The following WDPCP variants were observed in gnomAD, a reference collection of about 807,000 sequenced individuals.
WDPCP encodes WD repeat containing planar cell polarity effector, also known as WD repeat-containing and planar cell polarity effector protein fritz homolog.
A neutral mutation model predicts 93.1 loss-of-function variants in WDPCP; 71 were observed. The observed-to-expected ratio is 0.76, with a 90% CI of 0.63 to 0.93. The LOEUF (loss-of-function observed/expected upper bound fraction) is 0.93. Among genes scored for constraint, WDPCP ranks in the 40% least tolerant of loss-of-function variants. The probability of loss-of-function intolerance (pLI) is 0.00; values close to 1 mark genes in which losing one functional copy is unlikely to be tolerated. For synonymous variants in WDPCP, 315 were observed against 315.0 expected (o/e 1.00, Z 0.00); for missense variants, 844 against 887.4 (o/e 0.95, Z 0.62).
At chr2:63,800,632 T>C (rs892770811) in intron 2 of WDPCP, among the ~76,000 whole-genome samples, 5 of 152,200 alleles carry the variant, frequency 3.3e-5, no homozygotes, top group African/African-American at 1.2e-4. Context: ...AGTACTAATT[T>C]GGCATTTTTT....
intron 13 of WDPCP, among the ~76,000 whole-genome samples, chr2:63,312,780 T>C (rs1457828636): frequency 6.6e-6 from 1 of 152,146 alleles, no homozygotes; most frequent in African/African-American, 2.4e-5. Flanking sequence ...CACTTTGTAC[T>C]ATGGTTACTT....
chr2:63,745,646 AC>A (rs1669783765), intron 2 of WDPCP, among the ~76,000 whole-genome samples: 2 of 8,660 alleles, frequency 2.3e-4, no homozygotes, highest in South Asian at 4.5e-3. Flanking sequence ...ACGCACTTAC[AC>A]ACACACACAC....
Position 63,670,096 on chromosome 2 carries a change from T to C in WDPCP, n.309-19258A>G, listed in dbSNP as rs181489662. Among the ~76,000 whole-genome samples the C allele has an allele frequency of 1.8e-3, 271 of 152,350 alleles. 1 individual carries two copies. Among genetic ancestry groups the C allele is most frequent in the African/African-American group, 6.0e-3 (251 of 41,574 alleles). On this transcript the variant is annotated intron_variant and non_coding_transcript_variant, in intron 2 of 4. Transcript: ENST00000467687. ...ACAAATAAGCTTACCATTTCTCTGA[T>C]ATCTCAGCCACAGAGAGCACAATCT... is the stretch of plus-strand genomic sequence containing the variant.
intron 14 of WDPCP, among the ~76,000 whole-genome samples, chr2:63,207,673 G>A (rs1676446124): frequency 6.6e-6 from 1 of 152,162 alleles, no homozygotes; most frequent in Non-Finnish European, 1.5e-5. Flanking sequence ...TCATCTGAAT[G>A]CTCAGAGGAT....
At chr2:63,544,736 T>G (rs1705008442) in intron 1 of WDPCP, among the ~76,000 whole-genome samples, 1 of 152,170 alleles carries the variant, frequency 6.6e-6, no homozygotes, top group African/African-American at 2.4e-5. Flanking sequence ...TAAGGAAAGG[T>G]ATGCTACTAT....
At chr2:63,832,895 T>C in the WDPCP span, among the ~76,000 whole-genome samples, 2 of 152,224 alleles carry the variant, frequency 1.3e-5, no homozygotes, top group African/African-American at 4.8e-5. Context: ...TCGTATGATA[T>C]GGCAATACAG....
At chr2:63,235,427 G>T (rs1455252352) in intron 14 of WDPCP, among the ~76,000 whole-genome samples, 1 of 152,100 alleles carries the variant, frequency 6.6e-6, no homozygotes, top group Non-Finnish European at 1.5e-5. Context: ...GTACAAAGAA[G>T]AACTTGTACC....
intron 1 of WDPCP, among the ~76,000 whole-genome samples, chr2:63,506,501 T>C (rs1045894178): frequency 2.6e-5 from 4 of 151,138 alleles, no homozygotes; most frequent in African/African-American, 4.9e-5. Context: ...CATAAAAATT[T>C]TGGAGGGTAA....
chr2:63,634,451 A>C (rs1709901018), intron 3 of WDPCP, among the ~76,000 whole-genome samples: 1 of 152,226 alleles, frequency 6.6e-6, no homozygotes, highest in African/African-American at 2.4e-5. Flanking sequence ...CATTTTCAAA[A>C]TGGACAGTCA....
intron 13 of WDPCP, among the ~76,000 whole-genome samples, chr2:63,300,345 T>C (rs968618071): frequency 1.3e-5 from 2 of 152,172 alleles, no homozygotes; most frequent in African/African-American, 4.8e-5. Flanking sequence ...ACAACATTCA[T>C]CAAAATGGTG....
At chr2:63,287,285 C>T (rs956863152) in intron 13 of WDPCP, among the ~76,000 whole-genome samples, 2 of 152,026 alleles carry the variant, frequency 1.3e-5, no homozygotes, top group African/African-American at 4.8e-5. Flanking sequence ...GTCCATGACA[C>T]CATCCATTCT....
In WDPCP at chr2:63,223,459, G is replaced by A. The variant is rs371542881; in HGVS notation, c.1915+35848C>T. Among the ~76,000 whole-genome samples the A allele has an allele frequency of 5.3e-5, 8 of 152,220 alleles. No homozygotes were observed. The East Asian group carries it at 1.2e-3, about 22-fold the overall frequency. ...GGCAATATTCGTACAGTTACATAAA[G>A]GCTCCCCTGGCAAAGAGAAACTAAA... On this transcript the variant is annotated intron_variant, in intron 14 of 17. Coordinates refer to ENST00000272321, the MANE Select transcript of WDPCP (RefSeq NM_015910.7).
chr2:63,221,381 G>A (rs1265928395), intron 14 of WDPCP, among the ~76,000 whole-genome samples: 1 of 152,158 alleles, frequency 6.6e-6, no homozygotes, highest in African/African-American at 2.4e-5. Flanking sequence ...GAAGTTAATA[G>A]TGGTAGAAAA....
intron 10 of WDPCP, among the ~76,000 whole-genome samples, chr2:63,387,145 T>A (rs1268984729): frequency 6.6e-6 from 1 of 152,080 alleles, no homozygotes; most frequent in South Asian, 2.1e-4. Context: ...GAGGCCAGCA[T>A]CATCCTGATA....
At chr2:63,817,158 G>A (rs1174166764) in intron 1 of WDPCP, among the ~76,000 whole-genome samples, 1 of 150,720 alleles carries the variant, frequency 6.6e-6, no homozygotes, top group African/African-American at 2.4e-5. Flanking sequence ...CACCCAGGCT[G>A]AAGTGCAATG....
chr2:63,391,047 A>G (rs1049408830), intron 10 of WDPCP, among the ~76,000 whole-genome samples: 7 of 152,202 alleles, frequency 4.6e-5, no homozygotes, highest in Non-Finnish European at 8.8e-5. Context: ...TTATGAGGCC[A>G]GCATCATCCT....
intron 2 of WDPCP, among the ~76,000 whole-genome samples, chr2:63,725,517 G>A (rs1669484820): frequency 6.6e-6 from 1 of 152,144 alleles, no homozygotes; most frequent in African/African-American, 2.4e-5. Flanking sequence ...ATACATGCAT[G>A]TATCTTTACG....
At chr2:63,570,235 G>GAAATATTT (rs1707376593) in intron 1 of WDPCP, among the ~76,000 whole-genome samples, 1 of 152,114 alleles carries the variant, frequency 6.6e-6, no homozygotes, top group Non-Finnish European at 1.5e-5. Context: ...GCAATAAAAT[G>GAAATATTT]AAATATTTAA....
At chr2:63,546,076 A>G (rs1189196752) in intron 1 of WDPCP, among the ~76,000 whole-genome samples, 2 of 152,136 alleles carry the variant, frequency 1.3e-5, no homozygotes. Context: ...AACTATACCT[A>G]CAAAAATATT....
Sources: allele counts gnomAD v4.1 joint callset (sites outside exome capture counted in the v4.1 genomes callset), GRCh38; gene constraint gnomAD v4.1.1; transcripts MANE v1.5; gene names NCBI Gene and HGNC (gene_info 2026-07-23, HGNC 2026-07-21).